Variants in ULK4 observed in about 807,000 individuals in gnomAD.
ULK4 encodes unc-51 like kinase 4, also known as inactive serine/threonine-protein kinase ULK4.
In ULK4, 133 loss-of-function variants were observed where a neutral mutation model predicts 160.6. The ratio of observed to expected loss-of-function variants is 0.83; its 90% CI spans 0.72 to 0.96. ULK4 has a LOEUF of 0.96. Among genes scored for constraint, ULK4 ranks in the 40% least tolerant of loss-of-function variants. The pLI is 0.00. For missense variants in ULK4, 1,580 were observed against 1,499.5 expected, an observed-to-expected ratio of 1.05 and a Z score of -0.89; for synonymous variants, 534 against 539.8, an observed-to-expected ratio of 0.99 and a Z score of 0.15.
At chr3:41,353,714 CTACT>C (rs1559540462) in intron 35 of ULK4, among the ~76,000 whole-genome samples, 2 of 134,384 alleles carry the variant, frequency 1.5e-5, no homozygotes, top group East Asian at 4.3e-4. Context: ...ACTACTACTA[CTACT>C]ACTACTACTA....
intron 32 of ULK4, among the ~76,000 whole-genome samples, chr3:41,527,267 CACAGA>C (rs2086150754): frequency 6.6e-6 from 1 of 152,198 alleles, no homozygotes. Flanking sequence ...GAAGCAAATG[CACAGA>C]GCTGCCCAAG....
intron 17 of ULK4, among the ~76,000 whole-genome samples, chr3:41,838,263 T>C (rs573260749): frequency 2.0e-3 from 310 of 152,352 alleles, no homozygotes; most frequent in African/African-American, 7.2e-3. Flanking sequence ...TATTAAGTTT[T>C]CTAAATTATC....
At chr3:41,802,390 C>G (rs531103623) in intron 19 of ULK4, among the ~76,000 whole-genome samples, 2 of 152,092 alleles carry the variant, frequency 1.3e-5, no homozygotes, top group African/African-American at 2.4e-5. Context: ...CTCAATCTCC[C>G]AGCTCAAGCA....
At chr3:41,340,444 G>T (rs2080658436) in intron 35 of ULK4, among the ~76,000 whole-genome samples, 1 of 152,172 alleles carries the variant, frequency 6.6e-6, no homozygotes, top group East Asian at 1.9e-4. Context: ...TTGGGTGGGG[G>T]TCATTTCTCC....
At chr3:41,459,674 G>A (rs890864117) in intron 33 of ULK4, among the ~76,000 whole-genome samples, 5 of 152,216 alleles carry the variant, frequency 3.3e-5, no homozygotes, top group Non-Finnish European at 5.9e-5. Context: ...TTCATCACTT[G>A]GATGGTGGGG....
chr3:41,713,218 A>C (rs1350374838), intron 25 of ULK4, among the ~76,000 whole-genome samples: 1 of 152,244 alleles, frequency 6.6e-6, no homozygotes, highest in African/African-American at 2.4e-5. Context: ...GGTCTGTAGA[A>C]TGTTGGATGA....
At chr3:41,648,353 T>C (rs2034600297) in intron 30 of ULK4, among the ~76,000 whole-genome samples, 1 of 151,158 alleles carries the variant, frequency 6.6e-6, no homozygotes, top group African/African-American at 2.4e-5. Flanking sequence ...CCCTCCCCAG[T>C]TTTTACTCTT....
chr3:41,404,514 T>C (rs2082255507), intron 34 of ULK4, among the ~76,000 whole-genome samples: 1 of 152,184 alleles, frequency 6.6e-6, no homozygotes, highest in South Asian at 2.1e-4. Flanking sequence ...TGGATCATGT[T>C]TTGTTACTCT....
chr3:41,504,422 G>A (rs2085311932), intron 32 of ULK4, among the ~76,000 whole-genome samples: 1 of 152,072 alleles, frequency 6.6e-6, no homozygotes. Context: ...GAATGACTAA[G>A]CAAATGGAAA....
chr3:41,369,675 T>C (rs1013182957), intron 35 of ULK4, among the ~76,000 whole-genome samples: 6 of 151,458 alleles, frequency 4.0e-5, no homozygotes, highest in Non-Finnish European at 1.5e-5. Context: ...CCGCCTGTAA[T>C]GCTAGCTACT....
At chr3:41,347,308 GA>G (rs1224757386) in intron 35 of ULK4, among the ~76,000 whole-genome samples, 1 of 151,830 alleles carries the variant, frequency 6.6e-6, no homozygotes, top group Non-Finnish European at 1.5e-5. Flanking sequence ...TTCATTTTTG[GA>G]AAAAAATCAT....
intron 30 of ULK4, among the ~76,000 whole-genome samples, chr3:41,654,641 A>C (rs1016476033): frequency 7.2e-5 from 11 of 152,222 alleles, no homozygotes; most frequent in Non-Finnish European, 1.5e-4. Context: ...TAAAAGAAGC[A>C]AAAACTCAAA....
chr3:41,443,633 T>C (rs934314424), intron 34 of ULK4, among the ~76,000 whole-genome samples: 1 of 152,140 alleles, frequency 6.6e-6, no homozygotes, highest in Non-Finnish European at 1.5e-5. Context: ...GGGACTGACA[T>C]TATTAATATT....
intron 33 of ULK4, among the ~76,000 whole-genome samples, chr3:41,462,496 T>G (rs7620599): frequency 0.53 from 80,456 of 152,020 alleles, 21,400 homozygotes; most frequent in East Asian, 0.67. Flanking sequence ...CCTTCCTGCC[T>G]TACAGCATAA....
chr3:41,464,502 C>A (rs2083777443), intron 32 of ULK4, among the ~76,000 whole-genome samples: 1 of 152,094 alleles, frequency 6.6e-6, no homozygotes, highest in African/African-American at 2.4e-5. Flanking sequence ...TCTGATAACC[C>A]ATATCATCAA....
chr3:41,956,634 A>C (rs1700494893), intron 1 of ULK4, among the ~76,000 whole-genome samples: 1 of 152,200 alleles, frequency 6.6e-6, no homozygotes, highest in African/African-American at 2.4e-5. Flanking sequence ...TAAAAGAGAA[A>C]ACAAGTGAAA....
intron 30 of ULK4, among the ~76,000 whole-genome samples, chr3:41,639,005 A>G (rs916136714): frequency 2.0e-5 from 3 of 152,242 alleles, no homozygotes; most frequent in African/African-American, 7.2e-5. Context: ...GAAAGCGTAA[A>G]TATTAAAACA....
At chr3:41,527,294 A>T (rs1361297474) in intron 32 of ULK4, among the ~76,000 whole-genome samples, 1 of 152,248 alleles carries the variant, frequency 6.6e-6, no homozygotes, top group East Asian at 1.9e-4. Flanking sequence ...ACAAAGCATT[A>T]CTGGGAGAAA....
intron 19 of ULK4, among the ~76,000 whole-genome samples, chr3:41,814,587 A>T (rs1425122822): frequency 6.6e-6 from 1 of 152,104 alleles, no homozygotes. Context: ...AGATACTGAG[A>T]TATGTGTTTA....
Sources: allele counts gnomAD v4.1 joint callset (sites outside exome capture counted in the v4.1 genomes callset), GRCh38; gene constraint gnomAD v4.1.1; transcripts MANE v1.5; gene names NCBI Gene and HGNC (gene_info 2026-07-23, HGNC 2026-07-21).